The following COBLL1 variants were observed in gnomAD, a reference collection of about 807,000 sequenced individuals.
The protein encoded by COBLL1 is cordon-bleu WH2 repeat protein like 1.
Under a neutral mutation model 94.8 loss-of-function variants are expected in COBLL1, and 50 were observed. That is an observed-to-expected ratio of 0.53 (90% CI 0.42 to 0.67). COBLL1 has a LOEUF of 0.67. Ranked by LOEUF, COBLL1 falls within the 30% of genes least tolerant of loss-of-function variation. COBLL1 has a pLI of 0.00. For missense variants in COBLL1, 1,362 were observed against 1,348.7 expected (o/e 1.01, Z -0.15); for synonymous variants, 448 against 473.8 (o/e 0.95, Z 0.71).
Position 164,722,257 on chromosome 2 carries a change from T to G in COBLL1, c.814A>C (p.Arg272=), listed in dbSNP as rs1469543941. 1 of 1,614,016 alleles carries G rather than the reference T, an allele frequency of 6.2e-7. No homozygotes were observed. Among genetic ancestry groups the G allele is most frequent in the South Asian group, 1.1e-5 (1 of 91,074 alleles). Residue 272 remains arginine, a synonymous_variant, in exon 7 of 14, where the codon AGG becomes CGG. Transcript: ENST00000652658. The part of the protein sequence containing the change: ...LVNKHRPTFT[R]SNTISKPYIS... ...TATGGTTTGGAAATGGTATTGGACC[T>G]TGTAAAAGTTGGGCGGTGCTTATTT... is the stretch of plus-strand genomic sequence containing the variant.
intron 3 of COBLL1, among the ~76,000 whole-genome samples, chr2:164,739,822 T>G (rs2105549513): frequency 6.6e-6 from 1 of 152,340 alleles, no homozygotes; most frequent in African/African-American, 2.4e-5. Flanking sequence ...CATTTTTCAG[T>G]AGTAGTACAT....
In COBLL1 at chr2:164,814,302, C is replaced by A. The variant is rs1684604685; in HGVS notation, c.41+26854G>T. Among the ~76,000 whole-genome samples the A allele has an allele frequency of 1.3e-5, 2 of 151,928 alleles. 1 individual carries two copies. Among genetic ancestry groups the A allele is most frequent in the South Asian group, 4.2e-4 (2 of 4,796 alleles). ...TATAATATTAATATATTCAACATAC[C>A]TAACATTAGACCTAGCATCTAATAA... On this transcript the variant is annotated intron_variant, in intron 2 of 13. Coordinates refer to ENST00000652658, the MANE Select transcript of COBLL1 (RefSeq NM_001365672.2).
At chr2:164,753,555 A>G (rs1447821014) in intron 2 of COBLL1, among the ~76,000 whole-genome samples, 1 of 152,162 alleles carries the variant, frequency 6.6e-6, no homozygotes, top group African/African-American at 2.4e-5. Context: ...CTTTTGCAGC[A>G]AAACTTCTAG....
At chr2:164,740,921 A>AT (rs1389128633) in intron 3 of COBLL1, among the ~76,000 whole-genome samples, 1 of 152,134 alleles carries the variant, frequency 6.6e-6, no homozygotes, top group East Asian at 1.9e-4. Context: ...TTGAGGTGAA[A>AT]GAAATAGAGT....
rs71028444 is a variant in COBLL1, at chr2:164,805,337, C to CTA, written c.41+35817_41+35818dup. Among the ~76,000 whole-genome samples, 57 of 17,034 alleles carry CTA rather than the reference C, an allele frequency of 3.3e-3. 3 individuals are homozygous for CTA. Among genetic ancestry groups the CTA allele is most frequent in the Admixed American group, 3.9e-3 (3 of 776 alleles). The allele number at this position is 17,034 out of a possible 152,430, so 11.2% of individuals were successfully genotyped here. A position where few individuals can be genotyped will look rare whatever the true frequency, so the allele number is the denominator to read the frequency against. ...TCTCTCTCTCTCTCTCTCTCTCTCT[C>CTA]TATATATATATATATATATATATAT... is the stretch of plus-strand genomic sequence containing the variant. On this transcript the variant is annotated intron_variant, in intron 2 of 13. Transcript: ENST00000652658.
chr2:164,777,281 G>T (rs1688507331), intron 2 of COBLL1, among the ~76,000 whole-genome samples: 1 of 151,104 alleles, frequency 6.6e-6, no homozygotes, highest in Admixed American at 6.6e-5. Flanking sequence ...TTGATCCAAT[G>T]TAAAAGAAAT....
intron 2 of COBLL1, among the ~76,000 whole-genome samples, chr2:164,795,943 G>A (rs1170789534): frequency 6.6e-6 from 1 of 152,190 alleles, no homozygotes; most frequent in East Asian, 1.9e-4. Context: ...GGTCTGAAGA[G>A]TGTGCCCCAT....
chr2:164,683,879 G>C lies in COBLL1; in HGVS notation c.*2067C>G, dbSNP rs921106723. 12 of 152,060 alleles carry C rather than the reference G, an allele frequency of 7.9e-5. No homozygotes were observed. The highest frequency in any genetic ancestry group is 2.9e-4 in the African/African-American group (12 of 41,402). The allele number at this position is 152,060 out of a possible 1,614,324, so 9.4% of individuals were successfully genotyped here. ...ATTACTAAAGCTGAGCACGGGTTAG[G>C]ACCCCTTTCTGCTGTTTTACACAAG... On this transcript the variant is annotated 3_prime_UTR_variant, in exon 14 of 14. Coordinates refer to ENST00000652658, the MANE Select transcript of COBLL1 (RefSeq NM_001365672.2).
intron 2 of COBLL1, among the ~76,000 whole-genome samples, chr2:164,782,275 T>A (rs1688753006): frequency 6.6e-6 from 1 of 152,150 alleles, no homozygotes; most frequent in South Asian, 2.1e-4. Context: ...GCTCCTTTAA[T>A]AAAATTACTA....
intron 2 of COBLL1, among the ~76,000 whole-genome samples, chr2:164,810,686 C>A (rs1684418298): frequency 6.6e-6 from 1 of 151,510 alleles, no homozygotes; most frequent in Non-Finnish European, 1.5e-5. Flanking sequence ...TATTCAAGTT[C>A]TCTAAAGGGA....
Position 164,722,187 on chromosome 2 carries a change from G to C in COBLL1, c.884C>G (p.Ala295Gly). The C allele has an allele frequency of 5.6e-6, 9 of 1,614,114 alleles. No individual in the cohort carries two copies. Among genetic ancestry groups the C allele is most frequent in the Non-Finnish European group, 7.6e-6 (9 of 1,179,996 alleles). Residue 295 changes from alanine to glycine, a missense_variant, in exon 7 of 14, where the codon GCT (alanine) becomes GGT (glycine). By Grantham distance (60) the Ala-to-Gly change is moderately conservative. Coordinates refer to ENST00000652658, the MANE Select transcript of COBLL1 (RefSeq NM_001365672.2). ...AGATGCTGGCATCGGGGGCAGTGGAGCCCGCCTCTTCTTGGGTGCATCCGA... is the reference window on the plus strand; with the variant it reads ...AGATGCTGGCATCGGGGGCAGTGGACCCCGCCTCTTCTTGGGTGCATCCGA... ...LPSDAPKKRR[A>G]PLPPMPASQS... is the part of the protein sequence containing the mutation.
intron 3 of COBLL1, among the ~76,000 whole-genome samples, chr2:164,740,150 TA>T (rs1230459295): frequency 5.9e-5 from 9 of 152,020 alleles, no homozygotes; most frequent in African/African-American, 2.2e-4. Flanking sequence ...AACCCCATAG[TA>T]AAAACACTGA....
intron 2 of COBLL1, among the ~76,000 whole-genome samples, chr2:164,763,564 AAAC>A (rs1331243501): frequency 2.0e-5 from 3 of 152,236 alleles, no homozygotes; most frequent in Non-Finnish European, 4.4e-5. Flanking sequence ...AAAAGACTAG[AAAC>A]AAACCAAATA....
At chr2:164,788,579 T>C (rs946282016) in intron 2 of COBLL1, among the ~76,000 whole-genome samples, 1 of 152,070 alleles carries the variant, frequency 6.6e-6, no homozygotes, top group Non-Finnish European at 1.5e-5. Context: ...GTTAGTGACA[T>C]GTTTGGTAAA....
At chr2:164,721,287 T>C (rs1685430051) in intron 7 of COBLL1, among the ~76,000 whole-genome samples, 1 of 152,228 alleles carries the variant, frequency 6.6e-6, no homozygotes. Context: ...ACTTAAATCA[T>C]TCTTTCTGAT....
intron 7 of COBLL1, among the ~76,000 whole-genome samples, chr2:164,712,337 C>A (rs971933716): frequency 1.3e-5 from 2 of 152,028 alleles, no homozygotes; most frequent in Non-Finnish European, 2.9e-5. Flanking sequence ...CTAATAGAAT[C>A]TGTTGGTTCT....
chr2:164,803,467 A>G (rs1198313880), intron 2 of COBLL1, among the ~76,000 whole-genome samples: 4 of 150,738 alleles, frequency 2.7e-5, no homozygotes, highest in African/African-American at 9.7e-5. Flanking sequence ...TGGGAGGCCG[A>G]GGCAGGAGAA....
At chr2:164,705,719 G>A (rs931092465) in intron 7 of COBLL1, among the ~76,000 whole-genome samples, 3 of 152,066 alleles carry the variant, frequency 2.0e-5, no homozygotes, top group Non-Finnish European at 2.9e-5. Flanking sequence ...ATGAATGAAC[G>A]AATAAATAAC....
chr2:164,709,492 T>A (rs1223145445), intron 7 of COBLL1, among the ~76,000 whole-genome samples: 3 of 152,044 alleles, frequency 2.0e-5, no homozygotes, highest in Non-Finnish European at 2.9e-5. Flanking sequence ...CCAAGATAGG[T>A]AGAATATCTG....
Sources: gnomAD v4.1 joint callset for allele counts (sites outside exome capture counted in the v4.1 genomes callset) on GRCh38, gnomAD v4.1.1 for gene constraint, MANE v1.5 for transcripts, NCBI Gene and HGNC (gene_info 2026-07-23, HGNC 2026-07-21) for gene names.